Variants in STAT1 observed in about 807,000 individuals in gnomAD.
STAT1 encodes the protein signal transducer and activator of transcription 1-alpha/beta.
Under a neutral mutation model 111.7 loss-of-function variants are expected in STAT1, and 24 were observed. The ratio of observed to expected loss-of-function variants is 0.21; its 90% CI spans 0.16 to 0.30. STAT1 has a LOEUF of 0.30. Ranked by LOEUF, STAT1 falls within the 10% of genes least tolerant of loss-of-function variation. The pLI, the probability that STAT1 is intolerant of heterozygous loss-of-function variation, is 1.00. For missense variants in STAT1, 351 were observed against 911.9 expected (o/e 0.38, Z 7.92); for synonymous variants, 332 against 326.5 (o/e 1.02, Z -0.18).
intron 4 of STAT1, 48 bp downstream of exon 4, chr2:191,008,915 C>T: frequency 6.2e-7 from 1 of 1,602,834 alleles, no homozygotes; most frequent in Non-Finnish European, 8.5e-7. Flanking sequence ...AAACTGCCTT[C>T]CATAAACATG....
intron 1 of STAT1, 43 bp from the exon 2 acceptor site, chr2:191,013,721 C>T: frequency 2.5e-6 from 1 of 398,642 alleles, no homozygotes; most frequent in Non-Finnish European, 4.4e-6. Flanking sequence ...GGGGTGGAAA[C>T]GGGAGAAAGT....
chr2:191,008,896 G>C, intron 4 of STAT1, 67 bp downstream of exon 4: 2 of 1,556,996 alleles, frequency 1.3e-6, no homozygotes, highest in South Asian at 2.3e-5. Context: ...TGTATTTGCT[G>C]AATGAAGAAA....
In STAT1 at chr2:191,003,947, A is replaced by G. The variant is rs1694482423; in HGVS notation, c.373-2784T>C. On this transcript the variant is annotated intron_variant, in intron 5 of 24. Coordinates refer to ENST00000361099, the MANE Select transcript of STAT1 (RefSeq NM_007315.4). The surrounding 1 kb of genome is among the most constrained non-coding windows in gnomAD (Gnocchi z 4.0). ...CTCGGTTTAGAGAACAGGGATATAA[A>G]CAATGGCTGTAAAACAGCAGCTACA... Among the ~76,000 whole-genome samples, 1 of 152,196 alleles carries G rather than the reference A, an allele frequency of 6.6e-6. No homozygotes were observed. The highest frequency in any genetic ancestry group is 1.9e-4 in the East Asian group (1 of 5,190).
At position 190,974,908 on chromosome 2, in the gene STAT1, T is replaced by C. The variant is rs773497697; in HGVS notation, c.2160A>G (p.Thr720=). Residue 720 remains threonine (T), a synonymous_variant, in exon 24 of 25, where the codon ACA becomes ACG. Coordinates refer to ENST00000361099, the MANE Select transcript of STAT1 (RefSeq NM_007315.4). The surrounding 1 kb of genome is among the most constrained non-coding windows in gnomAD (Gnocchi z 4.8). The part of the protein sequence containing the change: ...SEVHPSRLQT[T]DNLLPMSPEE... ...CAGGAGACATGGGGAGCAGGTTGTC[T>C]GTGGTCTGAAGTCTAGAAGGGTGAC... 19 of 1,614,102 alleles carry C rather than the reference T, an allele frequency of 1.2e-5. No homozygotes were observed. The highest frequency in any genetic ancestry group is 1.5e-5 in the Non-Finnish European group (18 of 1,180,028).
In STAT1 at chr2:190,973,498, G is replaced by C. The variant is rs1194661129; in HGVS notation, c.2238+1332C>G. On this transcript the variant is annotated intron_variant, in intron 24 of 24. Transcript: ENST00000361099. This position sits in a 1 kb window ranked among gnomAD's most constrained non-coding sequence, Gnocchi z 4.4. ...AGGTGCTTAATGTCACCTATTAATGGTGGTGGTGATGATGATGTAATTTGC... is the reference window on the plus strand; with the variant it reads ...AGGTGCTTAATGTCACCTATTAATGCTGGTGGTGATGATGATGTAATTTGC... Among the ~76,000 whole-genome samples, 10 of 152,164 alleles carry C rather than the reference G, an allele frequency of 6.6e-5. No homozygotes were observed. The highest frequency in any genetic ancestry group is 9.7e-5 in the African/African-American group (4 of 41,432).
chr2:191,001,138 G>A lies in STAT1; in HGVS notation c.398C>T (p.Thr133Ile). Residue 133 changes from threonine (T) to isoleucine (I), a missense_variant, in exon 6 of 25, where the codon ACA becomes ATA. Around this residue, in one of 7 missense-constraint regions of STAT1, gnomAD observed 20 missense variants for 18.4 expected, o/e 1.09. Coordinates refer to ENST00000361099, the MANE Select transcript of STAT1 (RefSeq NM_007315.4). ...CTCTTTCTGTTTGTCTAACATCACT[G>A]TGCTCTGAATATTCCCCGACTGAGC... Reference protein sequence around the residue: ...NQAQSGNIQSTVMLDKQKELD... With the variant: ...NQAQSGNIQSIVMLDKQKELD... 5 of 1,613,894 alleles carry A rather than the reference G, an allele frequency of 3.1e-6. No individual in the cohort carries two copies. Among genetic ancestry groups the A allele is most frequent in the Non-Finnish European group, 4.2e-6 (5 of 1,179,890 alleles).
In STAT1 at chr2:190,978,756, CATGTCCCAA is replaced by C; in HGVS notation, c.1873+91_1873+99del. ...GGGGTAAGTATAAGATCTGCAATTTCATGTCCCAAACGCACTATCTGTATGAGCTGACTG... is the reference window on the plus strand; with the variant it reads ...GGGGTAAGTATAAGATCTGCAATTTCACGCACTATCTGTATGAGCTGACTG... On this transcript the variant is annotated intron_variant, in intron 21 of 24. Transcript: ENST00000361099. The surrounding 1 kb of genome is among the most constrained non-coding windows in gnomAD (Gnocchi z 6.1). The C allele has an allele frequency of 2.0e-6, 3 of 1,491,566 alleles. No individual in the cohort carries two copies. Among genetic ancestry groups the C allele is most frequent in the Non-Finnish European group, 2.7e-6 (3 of 1,095,242 alleles). 92.4% of individuals were successfully genotyped at this position (1,491,566 alleles called of 1,614,324 possible).
In STAT1 at chr2:190,973,750, A is replaced by G. The variant is rs1691678705; in HGVS notation, c.2238+1080T>C. Among the ~76,000 whole-genome samples, 1 of 152,188 alleles carries G rather than the reference A, an allele frequency of 6.6e-6. No homozygotes were observed. The highest frequency in any genetic ancestry group is 1.5e-5 in the Non-Finnish European group (1 of 68,034). On this transcript the variant is annotated intron_variant, in intron 24 of 24. Coordinates refer to ENST00000361099, the MANE Select transcript of STAT1 (RefSeq NM_007315.4). The surrounding 1 kb of genome is among the most constrained non-coding windows in gnomAD (Gnocchi z 4.4). ...TGCCACAATAGCTAACTGTTTTTCT[A>G]AATGGCCTATTTCGTCAACAACAAT... is the stretch of plus-strand genomic sequence containing the variant.
chr2:191,009,533 T>C (rs1169579391), intron 3 of STAT1, among the ~76,000 whole-genome samples: 1 of 152,244 alleles, frequency 6.6e-6, no homozygotes, highest in African/African-American at 2.4e-5. Flanking sequence ...AATTTGGCTT[T>C]ATTTCTTTTA....
At chr2:191,010,523 A>G (rs1695041715) in intron 2 of STAT1, 1 of 277,152 alleles carries the variant, frequency 3.6e-6, no homozygotes. Flanking sequence ...TTTATCAAAT[A>G]AATACATGAA....
chr2:191,010,044 G>C (rs573809957), intron 2 of STAT1, 40 bp from the exon 3 acceptor site: 2 of 1,610,454 alleles, frequency 1.2e-6, no homozygotes, highest in African/African-American at 2.7e-5. Flanking sequence ...TATGTATATG[G>C]AAACCATAGC....
Position 190,980,319 on chromosome 2 carries a change from T to C in STAT1, c.1632+301A>G, listed in dbSNP as rs1692275558. Among the ~76,000 whole-genome samples the C allele has an allele frequency of 6.6e-6, 1 of 152,218 alleles. No individual in the cohort carries two copies. Among genetic ancestry groups the C allele is most frequent in the Admixed American group, 6.5e-5 (1 of 15,280 alleles). ...AGGCTGCGCCACCCAGCCCACAACA[T>C]ACATTTCACACAGAAATGGCTAAAA... On this transcript the variant is annotated intron_variant, in intron 19 of 24. Coordinates refer to ENST00000361099, the MANE Select transcript of STAT1 (RefSeq NM_007315.4). The surrounding 1 kb of genome is among the most constrained non-coding windows in gnomAD (Gnocchi z 6.1).
chr2:191,010,083 T>C, intron 2 of STAT1, 79 bp from the exon 3 acceptor site: 1 of 1,528,440 alleles, frequency 6.5e-7, no homozygotes, highest in Non-Finnish European at 9.0e-7. Context: ...AGCATCAGGT[T>C]GTACTCTTAA....
At chr2:191,005,384 G>A (rs538013925) in intron 5 of STAT1, among the ~76,000 whole-genome samples, 2 of 152,320 alleles carry the variant, frequency 1.3e-5, no homozygotes, top group African/African-American at 2.4e-5. Context: ...ACGATGGACC[G>A]CGTATATGAC....
At chr2:190,972,326 T>C (rs1292938194) in intron 24 of STAT1, among the ~76,000 whole-genome samples, 1 of 152,082 alleles carries the variant, frequency 6.6e-6, no homozygotes, top group East Asian at 1.9e-4. Context: ...TCTTGGAGAG[T>C]AGACTGGTTC....
At position 191,012,745 on chromosome 2, in the gene STAT1, A is replaced by C. The variant is rs1695235415; in HGVS notation, c.-2+780T>G. Among the ~76,000 whole-genome samples the C allele has an allele frequency of 6.6e-6, 1 of 152,146 alleles. No individual in the cohort carries two copies. The highest frequency in any genetic ancestry group is 6.5e-5 in the Admixed American group (1 of 15,278). On this transcript the variant is annotated intron_variant, in intron 2 of 24. Coordinates refer to ENST00000361099, the MANE Select transcript of STAT1 (RefSeq NM_007315.4). This position sits in a 1 kb window ranked among gnomAD's most constrained non-coding sequence, Gnocchi z 4.0. ...CATCAACAAAGCAACCCAGTCACCA[A>C]ATCATTTACTGTTTTTCAACTGTGC... is the stretch of plus-strand genomic sequence containing the variant.
Position 190,993,343 on chromosome 2 carries a change from T to G in STAT1, c.944+1718A>C. 1.1e-6 allele frequency: 1 copy of G among 948,608 alleles called. No individual in the cohort carries two copies. The highest frequency in any genetic ancestry group is 1.7e-6 in the Non-Finnish European group (1 of 600,736). The allele number at this position is 948,608 out of a possible 1,614,324, so 58.8% of individuals were successfully genotyped here. ...CTCCTCTGTAATAACTGGAGATGAC[T>G]GTTCGAAACCTTTCCTGTTCTGCTG... is the stretch of plus-strand genomic sequence containing the variant. On this transcript the variant is annotated intron_variant, in intron 10 of 24. Transcript: ENST00000361099. This position sits in a 1 kb window ranked among gnomAD's most constrained non-coding sequence, Gnocchi z 4.1.
rs34975356 is a variant in STAT1, at chr2:190,972,816, G to GGTGTGT, written c.2238+2008_2238+2013dup. On this transcript the variant is annotated intron_variant, in intron 24 of 24. Coordinates refer to ENST00000361099, the MANE Select transcript of STAT1 (RefSeq NM_007315.4). ...TGGGAGGCTTTAGTGGTGTATAGAG[G>GGTGTGT]GTGTGTGTGTGTGTGTGTGTGTGTG... Among the ~76,000 whole-genome samples, 980 of 136,398 alleles carry GGTGTGT rather than the reference G, an allele frequency of 7.2e-3. 10 individuals carry two copies. Among genetic ancestry groups the GGTGTGT allele is most frequent in the South Asian group, 0.038 (155 of 4,058 alleles). 89.5% of individuals were successfully genotyped at this position (136,398 alleles called of 152,430 possible).
chr2:190,974,809 C>G lies in STAT1; in HGVS notation c.2238+21G>C. 6.2e-7 allele frequency: 1 copy of G among 1,601,354 alleles called. No homozygotes were observed. The highest frequency in any genetic ancestry group is 8.6e-7 in the Non-Finnish European group (1 of 1,168,478). On this transcript the variant is annotated intron_variant, in intron 24 of 24. Transcript: ENST00000361099. This position sits in a 1 kb window ranked among gnomAD's most constrained non-coding sequence, Gnocchi z 4.8. ...ACACACACTTATTGAGAGCTACACA[C>G]AGGCCAGCCGTGGTACTCACCATAC... is the stretch of plus-strand genomic sequence containing the variant.
Sources: allele counts gnomAD v4.1 joint callset (sites outside exome capture counted in the v4.1 genomes callset), GRCh38; gene constraint gnomAD v4.1.1; regional missense constraint gnomAD v4.1.1; non-coding constraint Gnocchi (gnomAD v3.1); transcripts MANE v1.5; gene names NCBI Gene and HGNC (gene_info 2026-07-23, HGNC 2026-07-21).